USP47: variants seen among roughly 807,000 people sequenced by gnomAD.
USP47 encodes the protein ubiquitin specific peptidase 47, also known as ubiquitin carboxyl-terminal hydrolase 47.
In USP47, 35 loss-of-function variants were observed where a neutral mutation model predicts 165.1. That is an observed-to-expected ratio of 0.21 (90% CI 0.16 to 0.28). USP47 has a LOEUF of 0.28. Ranked by LOEUF, USP47 falls within the 10% of genes least tolerant of loss-of-function variation. USP47 has a pLI of 1.00. For synonymous variants in USP47, 531 were observed against 544.5 expected (o/e 0.98, Z 0.35); for missense variants, 1,277 against 1,607.4 (o/e 0.79, Z 3.52).
At chr11:11,851,771 T>C (rs1271292460) in intron 1 of USP47, among the ~76,000 whole-genome samples, 4 of 152,310 alleles carry the variant, frequency 2.6e-5, no homozygotes, top group Admixed American at 2.6e-4. Flanking sequence ...ATTTTCAAGA[T>C]CTTGACACTT....
chr11:11,913,194 A>G (rs1853131470), intron 8 of USP47, among the ~76,000 whole-genome samples: 1 of 149,618 alleles, frequency 6.7e-6, no homozygotes, highest in Non-Finnish European at 1.5e-5. Context: ...GCACTACTAA[A>G]GGAAGAAATA....
chr11:11,920,129 T>C (rs1273894210), intron 8 of USP47, 27 bp from the exon 9 acceptor site: 2 of 1,525,294 alleles, frequency 1.3e-6, no homozygotes, highest in East Asian at 2.4e-5. Flanking sequence ...TTTTAAGTAA[T>C]TATAAAACAA....
chr11:11,862,426 G>GT (rs1256563990), intron 1 of USP47, among the ~76,000 whole-genome samples: 3 of 56,654 alleles, frequency 5.3e-5, no homozygotes, highest in African/African-American at 1.7e-4. Context: ...ATACATTGTG[G>GT]GTTTTTTCAT....
At chr11:11,926,559 TTTCTC>T (rs1247963234) in intron 11 of USP47, among the ~76,000 whole-genome samples, 1 of 152,038 alleles carries the variant, frequency 6.6e-6, no homozygotes, top group African/African-American at 2.4e-5. Context: ...ATTTGAGTCT[TTTCTC>T]TTTCTTAGCC....
intron 1 of USP47, among the ~76,000 whole-genome samples, chr11:11,866,745 A>C (rs1849707116): frequency 6.6e-6 from 1 of 152,026 alleles, no homozygotes; most frequent in African/African-American, 2.4e-5. Context: ...GCATTCTGGG[A>C]TAACAGTTAT....
At chr11:11,866,906 T>G (rs1207074153) in intron 1 of USP47, among the ~76,000 whole-genome samples, 1 of 152,088 alleles carries the variant, frequency 6.6e-6, no homozygotes, top group East Asian at 1.9e-4. Flanking sequence ...AATTTTTACT[T>G]TTATTTTTTG....
At chr11:11,843,346 A>G (rs1848248854) in intron 1 of USP47, among the ~76,000 whole-genome samples, 1 of 152,226 alleles carries the variant, frequency 6.6e-6, no homozygotes, top group Admixed American at 6.5e-5. Flanking sequence ...TTGTTTTGCA[A>G]GGACGATTTT....
At position 11,930,038 on chromosome 11, in the gene USP47, T is replaced by C; in HGVS notation, c.1519-6T>C. On this transcript the variant is annotated splice_region_variant and splice_polypyrimidine_tract_variant and intron_variant, in intron 12 of 27. Coordinates refer to ENST00000527733, the MANE Select transcript of USP47 (RefSeq NM_001282659.2). The stretch of plus-strand genomic sequence containing the variant: ...TTGCAAAAAAAATCATGTAACACAT[T>C]TTCAGATAACACAAGAGGACATTAA... 1 of 1,612,538 alleles carries C rather than the reference T, an allele frequency of 6.2e-7. No individual in the cohort carries two copies. Among genetic ancestry groups the C allele is most frequent in the Non-Finnish European group, 8.5e-7 (1 of 1,178,854 alleles).
intron 5 of USP47, among the ~76,000 whole-genome samples, chr11:11,902,294 G>A (rs771792015): frequency 1.3e-5 from 2 of 151,822 alleles, no homozygotes; most frequent in African/African-American, 2.4e-5. Flanking sequence ...GCAAAAAATA[G>A]AAAGAAAACT....
chr11:11,887,879 A>G (rs1314698845), intron 3 of USP47, among the ~76,000 whole-genome samples: 1 of 152,174 alleles, frequency 6.6e-6, no homozygotes, highest in Non-Finnish European at 1.5e-5. Flanking sequence ...AGACTCTCAG[A>G]CCATAGCACA....
chr11:11,872,724 G>T (rs913692275), intron 1 of USP47, among the ~76,000 whole-genome samples: 1 of 151,590 alleles, frequency 6.6e-6, no homozygotes, highest in South Asian at 2.1e-4. Flanking sequence ...CAATTTTTTT[G>T]TGAAAGGCAC....
chr11:11,928,033 T>C (rs1854379521), intron 11 of USP47, among the ~76,000 whole-genome samples: 1 of 152,100 alleles, frequency 6.6e-6, no homozygotes. Context: ...AAGTTGCTGC[T>C]ATTAGAATTT....
chr11:11,886,420 A>G (rs1167929078), intron 3 of USP47, among the ~76,000 whole-genome samples: 2 of 152,232 alleles, frequency 1.3e-5, no homozygotes, highest in South Asian at 2.1e-4. Context: ...GAGCTGAAAA[A>G]TACACTACAA....
At chr11:11,935,560 G>A (rs953218907) in intron 16 of USP47, among the ~76,000 whole-genome samples, 3 of 151,936 alleles carry the variant, frequency 2.0e-5, no homozygotes, top group Non-Finnish European at 4.4e-5. Context: ...TTGGGGAGGA[G>A]TAGAGATCAA....
chr11:11,945,403 G>GT (rs1165216044), intron 20 of USP47, among the ~76,000 whole-genome samples: 1 of 152,176 alleles, frequency 6.6e-6, no homozygotes, highest in African/African-American at 2.4e-5. Context: ...ACTATGCACA[G>GT]TATACGCAGT....
At chr11:11,872,416 T>C (rs1406845700) in intron 1 of USP47, among the ~76,000 whole-genome samples, 5 of 152,158 alleles carry the variant, frequency 3.3e-5, no homozygotes, top group African/African-American at 1.2e-4. Context: ...GGACTGGAAT[T>C]AGCCTCCTAC....
intron 1 of USP47, among the ~76,000 whole-genome samples, chr11:11,849,748 C>G (rs1046432421): frequency 2.0e-5 from 3 of 152,150 alleles, no homozygotes; most frequent in African/African-American, 4.8e-5. Context: ...GTTTCTGTAT[C>G]TGGTATCTTT....
chr11:11,929,559 C>A lies in USP47; in HGVS notation c.1512C>A (p.Val504=), dbSNP rs529998014. 4 of 1,612,748 alleles carry A rather than the reference C, an allele frequency of 2.5e-6. No homozygotes were observed. The highest frequency in any genetic ancestry group is 1.1e-5 in the South Asian group (1 of 90,944). ...GGTACAGCTTCAATGATCAACATGT[C>A]AGCAGGGTAAGGAGGTGTCCTTTAA... The part of the protein sequence containing the change: ...EQWYSFNDQH[V]SRITQEDIKK... The change falls in exon 12 of 28, where the codon GTC becomes GTA. Residue 504 remains valine, a synonymous_variant. Transcript: ENST00000527733.
intron 1 of USP47, among the ~76,000 whole-genome samples, chr11:11,870,420 A>G (rs1426010098): frequency 3.3e-5 from 5 of 152,084 alleles, no homozygotes; most frequent in Admixed American, 6.5e-5. Flanking sequence ...AATGTATTAT[A>G]TTTAGCTATA....
Sources: allele counts gnomAD v4.1 joint callset (sites outside exome capture counted in the v4.1 genomes callset), GRCh38; gene constraint gnomAD v4.1.1; transcripts MANE v1.5; gene names NCBI Gene and HGNC (gene_info 2026-07-23, HGNC 2026-07-21).